Variants in RPAP2 observed in about 807,000 individuals in gnomAD.
RPAP2 encodes the protein putative RNA polymerase II subunit B1 CTD phosphatase RPAP2.
A neutral mutation model predicts 73.1 loss-of-function variants in RPAP2; 52 were observed. That is an observed-to-expected ratio of 0.71 (90% CI 0.57 to 0.90). The LOEUF (loss-of-function observed/expected upper bound fraction) is 0.90, where lower values mean the gene tolerates loss of function less well. Ranked by LOEUF, RPAP2 falls within the 40% of genes least tolerant of loss-of-function variation. The pLI is 0.00. For synonymous variants in RPAP2, 225 were observed against 242.1 expected (o/e 0.93, Z 0.65); for missense variants, 598 against 701.8 (o/e 0.85, Z 1.67).
intron 8 of RPAP2, among the ~76,000 whole-genome samples, chr1:92,326,642 TG>T (rs1187543952): frequency 1.3e-5 from 2 of 152,116 alleles, no homozygotes; most frequent in African/African-American, 4.8e-5. Context: ...GTGGCTGTTG[TG>T]GGGGATGGGA....
In RPAP2 at chr1:92,301,452, TTAAG is replaced by T. The variant is rs1462440078; in HGVS notation, c.120-22_120-19del. On this transcript the variant is annotated intron_variant, in intron 2 of 12. Coordinates refer to ENST00000610020, the MANE Select transcript of RPAP2 (RefSeq NM_024813.3). ...GTTGGACATGAAGCTTTTAAGTAGA[TTAAG>T]TTTCTCTTTCAAATTTTAGGAAAGC... is the stretch of plus-strand genomic sequence containing the variant. The T allele has an allele frequency of 6.3e-6, 8 of 1,272,206 alleles. No individual in the cohort carries two copies. The highest frequency in any genetic ancestry group is 9.0e-6 in the Non-Finnish European group (8 of 886,000). 78.8% of individuals were successfully genotyped at this position (1,272,206 alleles called of 1,614,324 possible). A position where few individuals can be genotyped will look rare whatever the true frequency, so the allele number is the denominator to read the frequency against.
Position 92,336,417 on chromosome 1 carries a change from C to T in RPAP2, c.1609C>T (p.Arg537Ter), listed in dbSNP as rs779131753. The change falls in exon 10 of 13, where the codon CGA (arginine) becomes TGA (stop). Residue 537 changes from arginine to a stop codon, truncating the protein, a stop_gained. Coordinates refer to ENST00000610020, the MANE Select transcript of RPAP2 (RefSeq NM_024813.3). LOFTEE classifies it high-confidence loss of function. ...DIYTQLKNLVRTFRLTNRNII... is the reference protein window; with the variant it reads ...DIYTQLKNLV ...TTACACACAACTTAAAAATCTTGTT[C>T]GAACTTTCAGGTTAGTGTTTATATT... 16 of 1,599,918 alleles carry T rather than the reference C, an allele frequency of 1.0e-5. No homozygotes were observed. The highest frequency in any genetic ancestry group is 6.6e-5 in the South Asian group (6 of 90,326).
chr1:92,327,174 T>A lies in RPAP2; in HGVS notation c.1455+2799T>A, dbSNP rs192681847. On this transcript the variant is annotated intron_variant, in intron 8 of 12. Coordinates refer to ENST00000610020, the MANE Select transcript of RPAP2 (RefSeq NM_024813.3). ...TCTCTCAGACCACAGTGGAATTTTT[T>A]AATTTCTACTTAGATTTCATTGTTG... Among the ~76,000 whole-genome samples the A allele has an allele frequency of 4.0e-3, 612 of 152,368 alleles. 3 individuals are homozygous for A. The highest frequency in any genetic ancestry group is 0.01 in the Admixed American group (157 of 15,310).
At chr1:92,324,732 G>A (rs1054876675) in intron 8 of RPAP2, among the ~76,000 whole-genome samples, 1 of 151,962 alleles carries the variant, frequency 6.6e-6, no homozygotes, top group African/African-American at 2.4e-5. Context: ...CATGGGGTCT[G>A]TGTGTGTGTG....
intron 8 of RPAP2, among the ~76,000 whole-genome samples, chr1:92,324,742 G>A (rs914555112): frequency 6.6e-6 from 1 of 152,106 alleles, no homozygotes; most frequent in Non-Finnish European, 1.5e-5. Context: ...GTGTGTGTGT[G>A]TTTAATGGAA....
chr1:92,381,569 A>G (rs990814788), intron 12 of RPAP2, among the ~76,000 whole-genome samples: 1 of 144,752 alleles, frequency 6.9e-6, no homozygotes, highest in African/African-American at 2.6e-5. Context: ...TACAAATGAG[A>G]TTCTCTCAGG....
chr1:92,372,546 C>A (rs1050605037), intron 11 of RPAP2, among the ~76,000 whole-genome samples: 1 of 152,122 alleles, frequency 6.6e-6, no homozygotes, highest in African/African-American at 2.4e-5. Context: ...TTGAAATATT[C>A]TGGCAGGAAG....
At chr1:92,350,746 A>G (rs1654160927) in intron 11 of RPAP2, among the ~76,000 whole-genome samples, 1 of 152,190 alleles carries the variant, frequency 6.6e-6, no homozygotes, top group African/African-American at 2.4e-5. Flanking sequence ...AGCCTGGCCA[A>G]CGTGGTGAAA....
intron 12 of RPAP2, 97 bp from the exon 13 acceptor site, chr1:92,386,914 T>C: frequency 2.1e-6 from 2 of 949,480 alleles, no homozygotes; most frequent in East Asian, 2.6e-5. Flanking sequence ...GGTTTCACCA[T>C]GCTGGCCAGG....
rs1400690163 is a variant in RPAP2, at chr1:92,390,950, C to T, written c.*3939C>T. Reference sequence around the variant, plus strand: ...ACAATATTAATGGGTGACTTTAACACCCCACTGTCAATATTAGACAGATCA... The same window carrying T: ...ACAATATTAATGGGTGACTTTAACATCCCACTGTCAATATTAGACAGATCA... On this transcript the variant is annotated 3_prime_UTR_variant, in exon 13 of 13. Transcript: ENST00000610020. 1 of 152,102 alleles carries T rather than the reference C, an allele frequency of 6.6e-6. No homozygotes were observed. The highest frequency in any genetic ancestry group is 1.9e-4 in the East Asian group (1 of 5,198). The allele number at this position is 152,102 out of a possible 1,614,324, so 9.4% of individuals were successfully genotyped here. A position where few individuals can be genotyped will look rare whatever the true frequency, so the allele number is the denominator to read the frequency against.
intron 6 of RPAP2, among the ~76,000 whole-genome samples, chr1:92,307,702 A>C (rs768665426): frequency 6.8e-5 from 10 of 147,382 alleles, no homozygotes; most frequent in Non-Finnish European, 1.5e-4. Flanking sequence ...TATTTTATCA[A>C]TTTAAAGACA....
chr1:92,363,811 T>C (rs1302682583), intron 11 of RPAP2: 1 of 272,224 alleles, frequency 3.7e-6, no homozygotes, highest in Non-Finnish European at 7.3e-6. Context: ...CTTAACATTT[T>C]TTTTCCTCTA....
intron 10 of RPAP2, among the ~76,000 whole-genome samples, chr1:92,336,711 A>G (rs1653299564): frequency 1.3e-5 from 2 of 152,128 alleles, no homozygotes; most frequent in African/African-American, 2.4e-5. Context: ...CAGTAATACT[A>G]TGGGTTTAAG....
chr1:92,337,027 A>C (rs1653318407), intron 10 of RPAP2, among the ~76,000 whole-genome samples: 2 of 152,182 alleles, frequency 1.3e-5, no homozygotes, highest in South Asian at 4.1e-4. Flanking sequence ...CTCTACCAAG[A>C]AGCATAGCAA....
At chr1:92,307,671 T>C (rs1651329479) in intron 6 of RPAP2, among the ~76,000 whole-genome samples, 1 of 152,166 alleles carries the variant, frequency 6.6e-6, no homozygotes, top group Admixed American at 6.5e-5. Flanking sequence ...GTTCATTTAA[T>C]CTTTATAAAA....
intron 11 of RPAP2, among the ~76,000 whole-genome samples, chr1:92,347,093 C>G (rs1653942851): frequency 6.6e-6 from 1 of 152,294 alleles, no homozygotes; most frequent in South Asian, 2.1e-4. Context: ...GAGCCAGAAT[C>G]TGTGTCACCC....
chr1:92,365,777 A>G (rs867180791), intron 11 of RPAP2, among the ~76,000 whole-genome samples: 5 of 152,286 alleles, frequency 3.3e-5, no homozygotes, highest in Middle Eastern at 6.8e-3. Context: ...GGGTCTTTGA[A>G]AATTGTAAGA....
Position 92,393,225 on chromosome 1 carries a change from TG to T in RPAP2, c.*6218del, listed in dbSNP as rs1656099181. ...TGACAAACCTGACACACACAAGCAA[TG>T]GGGAAAAGATTCCCTATTTAATAAA... On this transcript the variant is annotated 3_prime_UTR_variant, in exon 13 of 13. Transcript: ENST00000610020. 1.3e-5 allele frequency: 2 copies of T among 152,252 alleles called. No individual in the cohort carries two copies. The highest frequency in any genetic ancestry group is 4.1e-4 in the South Asian group (2 of 4,826). The allele number at this position is 152,252 out of a possible 1,614,324, so 9.4% of individuals were successfully genotyped here. A position where few individuals can be genotyped will look rare whatever the true frequency, so the allele number is the denominator to read the frequency against.
At chr1:92,341,229 G>C (rs982736663) in intron 10 of RPAP2, among the ~76,000 whole-genome samples, 3 of 151,908 alleles carry the variant, frequency 2.0e-5, no homozygotes, top group African/African-American at 7.3e-5. Flanking sequence ...GGCTGGTCTC[G>C]AACTCCTGAG....
Sources: gnomAD v4.1 joint callset for allele counts (sites outside exome capture counted in the v4.1 genomes callset) on GRCh38, gnomAD v4.1.1 for gene constraint, MANE v1.5 for transcripts, NCBI Gene and HGNC (gene_info 2026-07-23, HGNC 2026-07-21) for gene names.